PDGFD: variants seen among roughly 807,000 people sequenced by gnomAD.
The protein encoded by PDGFD is platelet-derived growth factor D.
A neutral mutation model predicts 44.7 loss-of-function variants in PDGFD; 30 were observed. The observed-to-expected ratio is 0.67, with a 90% CI of 0.50 to 0.91. The LOEUF is 0.91. Ranked by LOEUF, PDGFD falls within the 40% of genes least tolerant of loss-of-function variation. The pLI, the probability that PDGFD is intolerant of heterozygous loss-of-function variation, is 0.00. For synonymous variants in PDGFD, 173 were observed against 168.4 expected (o/e 1.03, Z -0.21); for missense variants, 445 against 457.8 (o/e 0.97, Z 0.25).
intron 1 of PDGFD, among the ~76,000 whole-genome samples, chr11:104,055,555 G>T (rs1324012913): frequency 1.3e-5 from 2 of 152,250 alleles, no homozygotes; most frequent in Admixed American, 6.5e-5. Context: ...ATAGTAAAAA[G>T]AAGTAATTGT....
chr11:103,980,677 T>C (rs568150133), intron 3 of PDGFD, among the ~76,000 whole-genome samples: 14 of 152,140 alleles, frequency 9.2e-5, no homozygotes, highest in East Asian at 3.9e-4. Flanking sequence ...CCCCCCAAAA[T>C]TGATACCTTG....
intron 1 of PDGFD, among the ~76,000 whole-genome samples, chr11:104,094,587 T>C (rs1477053586): frequency 5.3e-5 from 8 of 152,030 alleles, no homozygotes; most frequent in Admixed American, 5.3e-4. Context: ...ACAAAAAAAA[T>C]TAGTGCTCAA....
At chr11:104,073,017 T>C (rs1857566709) in intron 1 of PDGFD, among the ~76,000 whole-genome samples, 1 of 152,110 alleles carries the variant, frequency 6.6e-6, no homozygotes, top group Admixed American at 6.6e-5. Flanking sequence ...GGAATAAATA[T>C]GTATAGAAAA....
intron 1 of PDGFD, among the ~76,000 whole-genome samples, chr11:104,111,582 C>A (rs1267038412): frequency 6.6e-6 from 1 of 152,030 alleles, no homozygotes; most frequent in Non-Finnish European, 1.5e-5. Flanking sequence ...TTTCTATGAA[C>A]AAGTAAACCC....
chr11:103,967,198 A>C (rs567619374), intron 3 of PDGFD, among the ~76,000 whole-genome samples: 1 of 152,200 alleles, frequency 6.6e-6, no homozygotes, highest in South Asian at 2.1e-4. Flanking sequence ...CAGGCCACTC[A>C]ACTATTATTC....
At chr11:104,034,056 A>C (rs1478200774) in intron 1 of PDGFD, among the ~76,000 whole-genome samples, 1 of 152,038 alleles carries the variant, frequency 6.6e-6, no homozygotes, top group East Asian at 1.9e-4. Context: ...TTGTGTCTCC[A>C]CTCTGGCGCA....
intron 1 of PDGFD, among the ~76,000 whole-genome samples, chr11:104,011,438 G>A (rs1198323338): frequency 4.6e-5 from 7 of 151,810 alleles, no homozygotes; most frequent in African/African-American, 1.4e-4. Context: ...TGCTATTTAC[G>A]GATTAAATCA....
chr11:103,927,458 C>A (rs1308843655), intron 5 of PDGFD, among the ~76,000 whole-genome samples: 1 of 152,090 alleles, frequency 6.6e-6, no homozygotes, highest in African/African-American at 2.4e-5. Context: ...AAAATAATTG[C>A]CTTTATCTTC....
intron 1 of PDGFD, among the ~76,000 whole-genome samples, chr11:104,120,091 T>C (rs1381181813): frequency 2.0e-5 from 3 of 150,182 alleles, no homozygotes; most frequent in African/African-American, 7.3e-5. Flanking sequence ...TCTTTTCTAG[T>C]TGTGGAAAGT....
intron 1 of PDGFD, among the ~76,000 whole-genome samples, chr11:104,029,656 C>A (rs941214227): frequency 4.6e-5 from 7 of 152,162 alleles, no homozygotes; most frequent in African/African-American, 1.7e-4. Flanking sequence ...AAGACTGACC[C>A]AAAATGTCAC....
chr11:104,075,518 G>C (rs1428693271), intron 1 of PDGFD, among the ~76,000 whole-genome samples: 2 of 151,762 alleles, frequency 1.3e-5, no homozygotes, highest in Non-Finnish European at 1.5e-5. Flanking sequence ...TTTAGAGTTG[G>C]GGTCTTGCTC....
intron 1 of PDGFD, among the ~76,000 whole-genome samples, chr11:104,018,244 G>A (rs910482222): frequency 1.3e-5 from 2 of 152,158 alleles, no homozygotes; most frequent in African/African-American, 4.8e-5. Flanking sequence ...GTAATAGGAG[G>A]ATTTCAATTA....
chr11:104,070,512 T>C (rs1409866708), intron 1 of PDGFD, among the ~76,000 whole-genome samples: 10 of 152,192 alleles, frequency 6.6e-5, no homozygotes, highest in African/African-American at 2.4e-4. Flanking sequence ...TCTAAAATAA[T>C]ACAGGAGTTC....
At chr11:104,156,268 T>C (rs1411329222) in intron 1 of PDGFD, among the ~76,000 whole-genome samples, 3 of 152,098 alleles carry the variant, frequency 2.0e-5, no homozygotes, top group African/African-American at 4.8e-5. Flanking sequence ...GGTGGTGGGA[T>C]TGCGTGAGCA....
At chr11:104,017,078 C>T (rs1312031643) in intron 1 of PDGFD, among the ~76,000 whole-genome samples, 1 of 152,130 alleles carries the variant, frequency 6.6e-6, no homozygotes, top group Non-Finnish European at 1.5e-5. Context: ...AATGAGATTA[C>T]GGATTTATAA....
At chr11:103,920,543 G>A (rs184378457) in intron 6 of PDGFD, among the ~76,000 whole-genome samples, 28 of 152,328 alleles carry the variant, frequency 1.8e-4, no homozygotes, top group East Asian at 7.7e-4. Flanking sequence ...AGGAAGGCCT[G>A]ATGTGAAGCT....
chr11:104,102,345 C>T (rs1483137699), intron 1 of PDGFD, among the ~76,000 whole-genome samples: 2 of 152,190 alleles, frequency 1.3e-5, no homozygotes, highest in Non-Finnish European at 2.9e-5. Flanking sequence ...CATCACTGGT[C>T]ATCAGAGAAA....
At chr11:104,062,570 T>C (rs1488566303) in intron 1 of PDGFD, among the ~76,000 whole-genome samples, 6 of 152,234 alleles carry the variant, frequency 3.9e-5, no homozygotes, top group Admixed American at 2.6e-4. Context: ...GAATAATTAC[T>C]TATATTAATT....
chr11:104,094,014 C>T (rs1408380927), intron 1 of PDGFD, among the ~76,000 whole-genome samples: 2 of 151,554 alleles, frequency 1.3e-5, no homozygotes, highest in Non-Finnish European at 2.9e-5. Context: ...CACATTCATT[C>T]TTCACCTCAC....
Sources: allele counts gnomAD v4.1 joint callset (sites outside exome capture counted in the v4.1 genomes callset), GRCh38; gene constraint gnomAD v4.1.1; transcripts MANE v1.5; gene names NCBI Gene and HGNC (gene_info 2026-07-23, HGNC 2026-07-21).